Variants in ZNF469 observed in about 807,000 individuals in gnomAD.
The protein encoded by ZNF469 is zinc finger protein 469.
ZNF469 carries 1 observed loss-of-function variant against 1.0 expected under a neutral mutation model. The observed-to-expected ratio is 1.00, with a 90% confidence interval of 0.35 to 4.73. The LOEUF is 4.73. ZNF469 is among the 30% of genes most tolerant of loss of function. The probability of loss-of-function intolerance (pLI) is 0.16; values close to 1 mark genes in which losing one functional copy is unlikely to be tolerated. For missense variants in ZNF469, 6,100 were observed against 5,356.3 expected (o/e 1.14, Z -4.33); for synonymous variants, 2,703 against 2,363.4 (o/e 1.14, Z -4.17).
chr16:88,379,865 G>A (rs971029516), upstream of ZNF469, among the ~76,000 whole-genome samples: 6 of 152,158 alleles, frequency 3.9e-5, no homozygotes, highest in South Asian at 1.2e-3. Context: ...GTCCCACCTC[G>A]CGGGGTTGTC....
At chr16:88,256,032 T>C in the ZNF469 span, among the ~76,000 whole-genome samples, 2 of 152,250 alleles carry the variant, frequency 1.3e-5, no homozygotes, top group Non-Finnish European at 2.9e-5. Context: ...TGGGGAACTT[T>C]AAAACGGTGG....
the ZNF469 span, among the ~76,000 whole-genome samples, chr16:88,233,125 G>T: frequency 6.6e-6 from 1 of 152,214 alleles, no homozygotes; most frequent in African/African-American, 2.4e-5. Context: ...CTGTTCCTGT[G>T]TGGGGAACTG....
chr16:88,407,533 A>T (rs1238967633), intron 1 of ZNF469, among the ~76,000 whole-genome samples: 2 of 152,148 alleles, frequency 1.3e-5, no homozygotes, highest in Admixed American at 1.3e-4. Context: ...TGTGCATCCG[A>T]CGTCTGAGTT....
intron 2 of ZNF469, among the ~76,000 whole-genome samples, chr16:88,425,117 C>T (rs954688118): frequency 7.9e-5 from 12 of 152,204 alleles, no homozygotes; most frequent in Non-Finnish European, 8.8e-5. Flanking sequence ...GCCAGCAGGC[C>T]TCACTCCTTC....
the ZNF469 span, among the ~76,000 whole-genome samples, chr16:88,293,206 G>T: frequency 6.6e-6 from 1 of 151,648 alleles, no homozygotes; most frequent in South Asian, 2.1e-4. Context: ...GAATGGATGG[G>T]TAGATGGATG....
chr16:88,385,558 G>A (rs917676171), intron 1 of ZNF469, among the ~76,000 whole-genome samples: 1 of 151,416 alleles, frequency 6.6e-6, no homozygotes, highest in Non-Finnish European at 1.5e-5. Flanking sequence ...AGAAAGGATT[G>A]CTTAAACCCA....
chr16:88,123,264 C>T, the ZNF469 span, among the ~76,000 whole-genome samples: 1 of 152,150 alleles, frequency 6.6e-6, no homozygotes, highest in African/African-American at 2.4e-5. Context: ...GGGCAGCATG[C>T]ACTGGCTGTG....
At chr16:88,337,882 G>A in the ZNF469 span, among the ~76,000 whole-genome samples, 29,008 of 152,128 alleles carry the variant, frequency 0.19, 3,330 homozygotes, top group African/African-American at 0.31. Flanking sequence ...TATGCTGGAC[G>A]CTAAACCCTT....
At position 88,433,219 on chromosome 16, in the gene ZNF469, G is replaced by A. The variant is rs1473803260; in HGVS notation, c.5749G>A (p.Asp1917Asn). ...LPGPGVAKSKDGILGLQELTP... is the reference protein window; with the variant it reads ...LPGPGVAKSKNGILGLQELTP... ...AGGGCCTGGAGTGGCTAAGAGTAAA[G>A]ATGGCATCCTGGGCTTGCAGGAGCT... The change falls in exon 3 of 3, where the codon GAT becomes AAT. Residue 1917 changes from aspartate to asparagine, a missense_variant. Asp to Asn is a conservative substitution (Grantham distance 23, BLOSUM62 1). Transcript: ENST00000565624. 1.9e-6 allele frequency: 3 copies of A among 1,550,166 alleles called. No individual in the cohort carries two copies. Among genetic ancestry groups the A allele is most frequent in the African/African-American group, 2.7e-5 (2 of 73,008 alleles).
chr16:88,131,257 C>T, the ZNF469 span, among the ~76,000 whole-genome samples: 1 of 152,304 alleles, frequency 6.6e-6, no homozygotes, highest in African/African-American at 2.4e-5. Context: ...TTTTCTCAGC[C>T]AGGGACTGTT....
chr16:88,105,531 C>G, the ZNF469 span, among the ~76,000 whole-genome samples: 3 of 152,292 alleles, frequency 2.0e-5, no homozygotes, highest in South Asian at 6.2e-4. Context: ...TCTTGAACTC[C>G]TGACCTCAGG....
At chr16:88,296,196 G>A in the ZNF469 span, among the ~76,000 whole-genome samples, 700 of 152,308 alleles carry the variant, frequency 4.6e-3, 4 homozygotes, top group African/African-American at 0.016. Context: ...ATAGGGTGGG[G>A]CTTCTGTGTC....
chr16:88,206,057 G>A, the ZNF469 span, among the ~76,000 whole-genome samples: 24 of 152,256 alleles, frequency 1.6e-4, no homozygotes, highest in African/African-American at 1.4e-4. Flanking sequence ...GAGAGACGCC[G>A]TTCCTGGTGA....
the ZNF469 span, among the ~76,000 whole-genome samples, chr16:88,211,269 A>G: frequency 1.1e-4 from 16 of 152,250 alleles, no homozygotes; most frequent in Middle Eastern, 3.4e-3. Flanking sequence ...TGCTGCCTCT[A>G]TCAGGTTTGG....
chr16:88,378,893 G>A (rs1257329140), upstream of ZNF469, among the ~76,000 whole-genome samples: 1 of 152,236 alleles, frequency 6.6e-6, no homozygotes, highest in Non-Finnish European at 1.5e-5. Context: ...CTCGCTCGGA[G>A]GTCTCCTCTC....
the ZNF469 span, among the ~76,000 whole-genome samples, chr16:88,329,706 T>C: frequency 6.6e-6 from 1 of 152,236 alleles, no homozygotes; most frequent in Admixed American, 6.5e-5. Flanking sequence ...CTTTCAGCTG[T>C]TCCAGGGGAA....
At chr16:88,327,023 G>C in the ZNF469 span, among the ~76,000 whole-genome samples, 1 of 152,188 alleles carries the variant, frequency 6.6e-6, no homozygotes, top group African/African-American at 2.4e-5. Flanking sequence ...GGGCGGCCCC[G>C]CCTCTCTGAT....
chr16:88,404,199 C>T (rs1904964409), intron 1 of ZNF469, among the ~76,000 whole-genome samples: 1 of 152,238 alleles, frequency 6.6e-6, no homozygotes, highest in Non-Finnish European at 1.5e-5. Flanking sequence ...CACCTGGCTG[C>T]AATGGGTGCT....
chr16:88,128,548 T>C, the ZNF469 span, among the ~76,000 whole-genome samples: 1 of 152,136 alleles, frequency 6.6e-6, no homozygotes, highest in Non-Finnish European at 1.5e-5. Flanking sequence ...GGGCCTGAGC[T>C]CCTAAGCAAA....
Sources: gnomAD v4.1 joint callset for allele counts (sites outside exome capture counted in the v4.1 genomes callset) on GRCh38, gnomAD v4.1.1 for gene constraint, MANE v1.5 for transcripts, NCBI Gene and HGNC (gene_info 2026-07-23, HGNC 2026-07-21) for gene names.